The following SEMA3E variants were observed in gnomAD, a reference collection of about 807,000 sequenced individuals.
The protein encoded by SEMA3E is semaphorin-3E.
A neutral mutation model predicts 93.6 loss-of-function variants in SEMA3E; 49 were observed. The ratio of observed to expected loss-of-function variants is 0.52; its 90% CI spans 0.42 to 0.66. The LOEUF (loss-of-function observed/expected upper bound fraction) is 0.66. Ranked by LOEUF, SEMA3E falls within the 30% of genes least tolerant of loss-of-function variation. The pLI is 0.00. For synonymous variants in SEMA3E, 363 were observed against 330.7 expected (o/e 1.10, Z -1.06); for missense variants, 906 against 964.8 (o/e 0.94, Z 0.81).
At chr7:83,510,516 C>T (rs1396836446) in intron 1 of SEMA3E, among the ~76,000 whole-genome samples, 4 of 152,076 alleles carry the variant, frequency 2.6e-5, no homozygotes, top group South Asian at 2.1e-4. Flanking sequence ...AGTGTACTTG[C>T]GTGCTTCCAA....
At chr7:83,511,866 A>C (rs1790830003) in intron 1 of SEMA3E, among the ~76,000 whole-genome samples, 1 of 152,184 alleles carries the variant, frequency 6.6e-6, no homozygotes, top group Non-Finnish European at 1.5e-5. Context: ...ATTACACTCC[A>C]GCCTGGCAAC....
chr7:83,570,870 C>T (rs80065231), intron 1 of SEMA3E, among the ~76,000 whole-genome samples: 2,446 of 146,992 alleles, frequency 0.017, 106 homozygotes, highest in East Asian at 0.1. Context: ...GCCATTACAA[C>T]TGAGCCCACA....
At chr7:83,392,744 A>G in intron 13 of SEMA3E, 23 bp from the exon 14 acceptor site, 1 of 1,612,510 alleles carries the variant, frequency 6.2e-7, no homozygotes. Context: ...GAAAGAGGTC[A>G]CTAGCAGAAA....
intron 1 of SEMA3E, among the ~76,000 whole-genome samples, chr7:83,531,193 A>G (rs1220274750): frequency 2.0e-5 from 3 of 151,978 alleles, no homozygotes; most frequent in African/African-American, 4.8e-5. Context: ...TTAAGCATCT[A>G]AAGTTAATAT....
At chr7:83,637,040 A>ATGTG (rs551927562) in intron 1 of SEMA3E, among the ~76,000 whole-genome samples, 101 of 148,736 alleles carry the variant, frequency 6.8e-4, no homozygotes, top group Non-Finnish European at 7.5e-4. Context: ...GTGTGTGTGT[A>ATGTG]TGTGTGTGTG....
chr7:83,578,954 T>C (rs1792463640), intron 1 of SEMA3E, among the ~76,000 whole-genome samples: 1 of 152,102 alleles, frequency 6.6e-6, no homozygotes, highest in Non-Finnish European at 1.5e-5. Flanking sequence ...GTTAGTACCA[T>C]GATTTGAATC....
At chr7:83,453,905 G>T (rs1789418097) in intron 4 of SEMA3E, among the ~76,000 whole-genome samples, 1 of 150,404 alleles carries the variant, frequency 6.6e-6, no homozygotes, top group Non-Finnish European at 1.5e-5. Flanking sequence ...ACCCACTCTA[G>T]ATTTTTACAA....
intron 1 of SEMA3E, among the ~76,000 whole-genome samples, chr7:83,499,971 A>G (rs191948429): frequency 1.4e-3 from 207 of 152,304 alleles, no homozygotes; most frequent in African/African-American, 4.8e-3. Context: ...TGGGGATAAG[A>G]AATGTGTGGC....
chr7:83,445,764 T>C (rs766982637), intron 4 of SEMA3E, among the ~76,000 whole-genome samples: 25 of 151,916 alleles, frequency 1.6e-4, no homozygotes, highest in Admixed American at 2.6e-4. Context: ...GTGGAATAAA[T>C]TATCTGAGAA....
intron 1 of SEMA3E, among the ~76,000 whole-genome samples, chr7:83,529,178 A>G (rs1482967604): frequency 1.3e-5 from 2 of 152,162 alleles, no homozygotes; most frequent in Non-Finnish European, 2.9e-5. Flanking sequence ...AGAAAATTAC[A>G]TGCTTGATAA....
At chr7:83,620,066 G>C (rs1793519558) in intron 1 of SEMA3E, among the ~76,000 whole-genome samples, 1 of 151,816 alleles carries the variant, frequency 6.6e-6, no homozygotes, top group Non-Finnish European at 1.5e-5. Context: ...TATTTAATAA[G>C]TCCTGGGAGA....
chr7:83,550,941 C>T (rs1237299030), intron 1 of SEMA3E, among the ~76,000 whole-genome samples: 1 of 152,004 alleles, frequency 6.6e-6, no homozygotes, highest in Non-Finnish European at 1.5e-5. Flanking sequence ...TTTTCAACCT[C>T]ATTAGTAATA....
intron 1 of SEMA3E, among the ~76,000 whole-genome samples, chr7:83,562,001 C>G (rs17157829): frequency 0.029 from 4,461 of 152,154 alleles, 221 homozygotes; most frequent in African/African-American, 0.1. Flanking sequence ...TATTCAATGG[C>G]TTATATCAGA....
At chr7:83,503,424 G>A (rs1790636376) in intron 1 of SEMA3E, among the ~76,000 whole-genome samples, 1 of 151,962 alleles carries the variant, frequency 6.6e-6, no homozygotes, top group African/African-American at 2.4e-5. Context: ...AATTCTAAGT[G>A]CCAAACTGGC....
intron 1 of SEMA3E, among the ~76,000 whole-genome samples, chr7:83,614,405 C>A (rs1046419536): frequency 6.6e-6 from 1 of 152,104 alleles, no homozygotes; most frequent in East Asian, 1.9e-4. Context: ...GTTGGCATGG[C>A]ACAATCAGTT....
intron 4 of SEMA3E, among the ~76,000 whole-genome samples, chr7:83,449,550 T>C (rs896625815): frequency 6.6e-6 from 1 of 152,058 alleles, no homozygotes; most frequent in South Asian, 2.1e-4. Flanking sequence ...AGATCTAAAC[T>C]ACAGAGACAA....
At chr7:83,575,078 G>A (rs1792371228) in intron 1 of SEMA3E, among the ~76,000 whole-genome samples, 1 of 151,972 alleles carries the variant, frequency 6.6e-6, no homozygotes, top group African/African-American at 2.4e-5. Context: ...TTAGATGTTG[G>A]CTTCAGAATT....
At chr7:83,538,317 T>C (rs1311512902) in intron 1 of SEMA3E, among the ~76,000 whole-genome samples, 2 of 152,174 alleles carry the variant, frequency 1.3e-5, no homozygotes, top group African/African-American at 4.8e-5. Flanking sequence ...CAGCAGTGTA[T>C]GAGTTCTGAT....
In SEMA3E at chr7:83,364,365, G is replaced by C. The variant is rs1794635345; in HGVS notation, c.*3221C>G. On this transcript the variant is annotated 3_prime_UTR_variant, in exon 17 of 17. Transcript: ENST00000643230. ...CGAACACTCATTACAAACATTCTAA[G>C]TATTTAACTAATTTTAGATAGAAAA... 6.6e-6 allele frequency: 1 copy of C among 152,078 alleles called. No homozygotes were observed. Among genetic ancestry groups the C allele is most frequent in the Admixed American group, 6.5e-5 (1 of 15,268 alleles). The allele number at this position is 152,078 out of a possible 1,614,324, so 9.4% of individuals were successfully genotyped here.
Sources: gnomAD v4.1 joint callset for allele counts (sites outside exome capture counted in the v4.1 genomes callset) on GRCh38, gnomAD v4.1.1 for gene constraint, MANE v1.5 for transcripts, NCBI Gene and HGNC (gene_info 2026-07-23, HGNC 2026-07-21) for gene names.